NFATC3: variants seen among roughly 807,000 people sequenced by gnomAD.
The protein encoded by NFATC3 is nuclear factor of activated T-cells, cytoplasmic 3.
NFATC3 carries 46 observed loss-of-function variants against 98.6 expected under a neutral mutation model. That is an observed-to-expected ratio of 0.47 (90% confidence interval 0.37 to 0.60). NFATC3 has a LOEUF of 0.60. NFATC3 is among the 20% of genes least tolerant of loss of function. The pLI is 0.00. For synonymous variants in NFATC3, 512 were observed against 472.2 expected, an observed-to-expected ratio of 1.08 and a Z score of -1.09; for missense variants, 1,256 against 1,295.5, an observed-to-expected ratio of 0.97 and a Z score of 0.47.
chr16:68,172,116 A>G (rs2039494993), intron 5 of NFATC3, among the ~76,000 whole-genome samples: 1 of 152,172 alleles, frequency 6.6e-6, no homozygotes, highest in Admixed American at 6.5e-5. Flanking sequence ...TACAGGCGTG[A>G]GCCACCGCGC....
chr16:68,120,838 A>T (rs2036534940), intron 1 of NFATC3, among the ~76,000 whole-genome samples: 1 of 152,174 alleles, frequency 6.6e-6, no homozygotes, highest in Non-Finnish European at 1.5e-5. Flanking sequence ...GCAGGTTGTT[A>T]TGTTGGATAA....
In NFATC3 at chr16:68,157,860, C is replaced by T. The variant is rs767618382; in HGVS notation, c.1402-9C>T. 4.9e-5 allele frequency: 78 copies of T among 1,604,684 alleles called. No individual in the cohort carries two copies. The highest frequency in any genetic ancestry group is 6.6e-5 in the Non-Finnish European group (77 of 1,175,474). ...ATTGTGCTTTTCTGTGTTTCTTTTTCCTGATTAGCTCCTGGGCTATAACGA... is the reference window on the plus strand; with the variant it reads ...ATTGTGCTTTTCTGTGTTTCTTTTTTCTGATTAGCTCCTGGGCTATAACGA... On this transcript the variant is annotated splice_polypyrimidine_tract_variant and intron_variant, in intron 3 of 9. Transcript: ENST00000346183.
chr16:68,210,466 G>T (rs1257789067), intron 9 of NFATC3, among the ~76,000 whole-genome samples: 1 of 151,938 alleles, frequency 6.6e-6, no homozygotes, highest in Non-Finnish European at 1.5e-5. Context: ...GTGACACCTT[G>T]TCTCAAAAAA....
At position 68,183,320 on chromosome 16, in the gene NFATC3, T is replaced by A; in HGVS notation, c.2052T>A (p.Asn684Lys). ...AAVQVHFYLCNGKRKKSQSQR... is the reference protein window; with the variant it reads ...AAVQVHFYLCKGKRKKSQSQR... The stretch of plus-strand genomic sequence containing the variant: ...TGCAGGTGCACTTTTATCTTTGCAA[T>A]GGCAAGAGGAAAAAAAGCCAGTCTC... Residue 684 changes from asparagine to lysine, a missense_variant, in exon 8 of 10, where the codon AAT becomes AAA. By Grantham distance (94) the Asn-to-Lys change is moderately conservative (BLOSUM62 0). This residue lies in a region of NFATC3 where 636 missense variants were observed against 617.3 expected (regional missense o/e 1.03). Coordinates refer to ENST00000346183, the MANE Select transcript of NFATC3 (RefSeq NM_173165.3). 1 of 1,613,216 alleles carries A rather than the reference T, an allele frequency of 6.2e-7. No individual in the cohort carries two copies. Among genetic ancestry groups the A allele is most frequent in the Non-Finnish European group, 8.5e-7 (1 of 1,179,678 alleles).
chr16:68,168,935 G>A (rs1417392935), intron 5 of NFATC3, among the ~76,000 whole-genome samples: 2 of 152,024 alleles, frequency 1.3e-5, no homozygotes, highest in Non-Finnish European at 2.9e-5. Flanking sequence ...ACTAATTTTT[G>A]TATTTTTAAA....
At chr16:68,201,362 G>A (rs990454674) in intron 9 of NFATC3, among the ~76,000 whole-genome samples, 4 of 152,060 alleles carry the variant, frequency 2.6e-5, no homozygotes, top group African/African-American at 9.7e-5. Flanking sequence ...CCCCCAAGTA[G>A]CAGGGACTAC....
chr16:68,096,086 A>C (rs549262098), intron 1 of NFATC3, among the ~76,000 whole-genome samples: 37 of 152,260 alleles, frequency 2.4e-4, no homozygotes, highest in African/African-American at 7.9e-4. Context: ...TCAGCCTCCC[A>C]AGTAGCTCAA....
At chr16:68,207,046 C>T (rs1189354444) in intron 9 of NFATC3, among the ~76,000 whole-genome samples, 1 of 150,486 alleles carries the variant, frequency 6.6e-6, no homozygotes, top group African/African-American at 2.4e-5. Flanking sequence ...CTCGGTGGCT[C>T]ACGCCTGTAA....
At chr16:68,110,296 T>C (rs1334310672) in intron 1 of NFATC3, among the ~76,000 whole-genome samples, 1 of 146,110 alleles carries the variant, frequency 6.8e-6, no homozygotes, top group East Asian at 2.1e-4. Context: ...TGAGCCACCG[T>C]GCCTGGCCTG....
chr16:68,194,253 T>G (rs949099912), intron 9 of NFATC3, among the ~76,000 whole-genome samples: 2 of 152,164 alleles, frequency 1.3e-5, no homozygotes, highest in African/African-American at 4.8e-5. Flanking sequence ...AACAGAACTC[T>G]CTACTAAACG....
At position 68,158,019 on chromosome 16, in the gene NFATC3, A is replaced by G. The variant is rs369838981; in HGVS notation, c.1552A>G (p.Thr518Ala). The G allele has an allele frequency of 9.4e-5, 152 of 1,613,708 alleles. No individual in the cohort carries two copies. Among genetic ancestry groups the G allele is most frequent in the Non-Finnish European group, 1.2e-4 (140 of 1,179,790 alleles). Residue 518 changes from threonine (T) to alanine (A), a missense_variant, in exon 4 of 10, where the codon ACA (threonine) becomes GCA (alanine). Thr to Ala is a moderately conservative substitution (Grantham distance 58). Coordinates refer to ENST00000346183, the MANE Select transcript of NFATC3 (RefSeq NM_173165.3). ...AAGCCAAGAGATAATAATTGCCAGTACAAAAGTTCTGGAAATTCCACTTCT... is the reference window on the plus strand; with the variant it reads ...AAGCCAAGAGATAATAATTGCCAGTGCAAAAGTTCTGGAAATTCCACTTCT... ...TASQEIIIAS[T>A]KVLEIPLLPE... is the part of the protein sequence containing the mutation.
chr16:68,195,893 A>T (rs1173070586), intron 9 of NFATC3, among the ~76,000 whole-genome samples: 1 of 152,184 alleles, frequency 6.6e-6, no homozygotes, highest in African/African-American at 2.4e-5. Flanking sequence ...TCACCCTGTC[A>T]TCCGGTCTGA....
chr16:68,136,120 A>C (rs1169929952), intron 3 of NFATC3, among the ~76,000 whole-genome samples: 1 of 152,160 alleles, frequency 6.6e-6, no homozygotes, highest in African/African-American at 2.4e-5. Context: ...TTTACTGTGA[A>C]CATTTGTCTA....
At chr16:68,155,220 C>T (rs2038542774) in intron 3 of NFATC3, among the ~76,000 whole-genome samples, 1 of 152,152 alleles carries the variant, frequency 6.6e-6, no homozygotes, top group Non-Finnish European at 1.5e-5. Flanking sequence ...ACCTGTAAGA[C>T]TCCACCAAAT....
chr16:68,184,153 G>A (rs1039474427), intron 8 of NFATC3, among the ~76,000 whole-genome samples: 4 of 152,122 alleles, frequency 2.6e-5, no homozygotes, highest in Admixed American at 2.0e-4. Flanking sequence ...ACTCTGAGGA[G>A]TGAGATTTAC....
intron 1 of NFATC3, among the ~76,000 whole-genome samples, chr16:68,106,715 C>T (rs989095370): frequency 1.3e-4 from 19 of 151,698 alleles, no homozygotes; most frequent in South Asian, 2.1e-4. Flanking sequence ...CGTGAGCCAC[C>T]GTACCCGGAC....
At chr16:68,138,667 A>G (rs1364010600) in intron 3 of NFATC3, 3 of 1,288,190 alleles carry the variant, frequency 2.3e-6, no homozygotes, top group Admixed American at 4.6e-5. Flanking sequence ...TTTGGCTACA[A>G]GTAGTCACAT....
chr16:68,187,941 C>G (rs1233641033), intron 8 of NFATC3, among the ~76,000 whole-genome samples: 1 of 152,162 alleles, frequency 6.6e-6, no homozygotes, highest in Non-Finnish European at 1.5e-5. Flanking sequence ...CCTCCTGTTG[C>G]TGTTCATGGT....
intron 7 of NFATC3, among the ~76,000 whole-genome samples, chr16:68,182,665 C>T (rs1236310861): frequency 2.0e-5 from 3 of 151,860 alleles, no homozygotes; most frequent in South Asian, 2.1e-4. Context: ...GGACTACAGG[C>T]GTGCAATATC....
Sources: gnomAD v4.1 joint callset for allele counts (sites outside exome capture counted in the v4.1 genomes callset) on GRCh38, gnomAD v4.1.1 for gene constraint, gnomAD v4.1.1 regional missense constraint, MANE v1.5 for transcripts, NCBI Gene and HGNC (gene_info 2026-07-23, HGNC 2026-07-21) for gene names.